ADGRV1: variants seen among roughly 807,000 people sequenced by gnomAD.
The protein encoded by ADGRV1 is G-protein coupled receptor 98.
In ADGRV1, 359 loss-of-function variants were observed where a neutral mutation model predicts 596.2. The ratio of observed to expected loss-of-function variants is 0.60; its 90% CI spans 0.55 to 0.66. The LOEUF (loss-of-function observed/expected upper bound fraction) is 0.66. ADGRV1 is among the 30% of genes least tolerant of loss of function. The pLI, the probability that ADGRV1 is intolerant of heterozygous loss-of-function variation, is 0.00. For missense variants in ADGRV1, 7,274 were observed against 7,575.6 expected, an observed-to-expected ratio of 0.96 and a Z score of 1.48; for synonymous variants, 2,681 against 2,679.2, an observed-to-expected ratio of 1.00 and a Z score of -0.02.
chr5:91,153,483 TACTATCAGTC>T (rs1796227308), intron 89 of ADGRV1, 85 bp downstream of exon 89: 1 of 961,404 alleles, frequency 1.0e-6, no homozygotes, highest in Non-Finnish European at 1.5e-6. Flanking sequence ...AGTTGCAAAG[TACTATCAGTC>T]ACCCTTAGCA....
intron 83 of ADGRV1, among the ~76,000 whole-genome samples, chr5:90,905,148 T>C (rs1054126651): frequency 3.3e-5 from 5 of 152,098 alleles, no homozygotes; most frequent in African/African-American, 1.2e-4. Context: ...AACTGTGTGG[T>C]ATAATTTCAA....
chr5:91,039,656 G>T (rs1208957795), intron 85 of ADGRV1, among the ~76,000 whole-genome samples: 1 of 152,198 alleles, frequency 6.6e-6, no homozygotes, highest in Admixed American at 6.5e-5. Context: ...AGTAAATTGG[G>T]AAAGAGCTGA....
At chr5:91,084,655 G>T (rs1789704379) in intron 86 of ADGRV1, among the ~76,000 whole-genome samples, 2 of 152,178 alleles carry the variant, frequency 1.3e-5, no homozygotes, top group Non-Finnish European at 2.9e-5. Context: ...TTCAACCATT[G>T]TGGAAGACAG....
At chr5:90,663,736 A>G (rs1770802138) in intron 21 of ADGRV1, among the ~76,000 whole-genome samples, 1 of 152,094 alleles carries the variant, frequency 6.6e-6, no homozygotes. Flanking sequence ...AAGGGTTTTT[A>G]TGGTTTTAGG....
chr5:90,832,578 T>C (rs2150335125), intron 77 of ADGRV1, among the ~76,000 whole-genome samples: 1 of 152,300 alleles, frequency 6.6e-6, no homozygotes, highest in Admixed American at 6.5e-5. Context: ...TGATTGTTTC[T>C]TTGGTTGTGC....
chr5:90,597,545 T>C (rs542627399), intron 1 of ADGRV1, among the ~76,000 whole-genome samples: 15 of 152,288 alleles, frequency 9.8e-5, no homozygotes, highest in African/African-American at 3.4e-4. Flanking sequence ...AGAGTTGCAC[T>C]GGGAGACTTT....
chr5:90,907,200 A>G (rs922200680), intron 83 of ADGRV1, among the ~76,000 whole-genome samples: 4 of 152,196 alleles, frequency 2.6e-5, no homozygotes, highest in African/African-American at 9.6e-5. Flanking sequence ...ATTCCCAAAT[A>G]TAGTTTGGAA....
chr5:91,081,001 T>C (rs1789315028), intron 86 of ADGRV1, among the ~76,000 whole-genome samples: 1 of 152,168 alleles, frequency 6.6e-6, no homozygotes, highest in Non-Finnish European at 1.5e-5. Context: ...TAGCTCAGGC[T>C]GCCATACAAA....
chr5:90,701,888 A>C (rs1011360508), intron 34 of ADGRV1, among the ~76,000 whole-genome samples: 2 of 151,774 alleles, frequency 1.3e-5, no homozygotes, highest in Non-Finnish European at 2.9e-5. Flanking sequence ...TCAACATGGA[A>C]ATTTTTTGAC....
intron 1 of ADGRV1, among the ~76,000 whole-genome samples, chr5:90,592,155 AC>A (rs1380787421): frequency 1.3e-5 from 2 of 152,266 alleles, no homozygotes; most frequent in African/African-American, 4.8e-5. Flanking sequence ...TGAAAAAGAT[AC>A]TTGCACATGC....
intron 89 of ADGRV1, among the ~76,000 whole-genome samples, chr5:91,160,363 A>G (rs1796841092): frequency 6.6e-6 from 1 of 152,098 alleles, no homozygotes. Flanking sequence ...AAGATTTTGA[A>G]TTTTTTCCTC....
chr5:90,611,600 G>C (rs1446092176), intron 1 of ADGRV1, among the ~76,000 whole-genome samples: 1 of 151,886 alleles, frequency 6.6e-6, no homozygotes, highest in Non-Finnish European at 1.5e-5. Context: ...TTCTTTCACA[G>C]TTGCAACAGA....
chr5:91,078,636 C>T lies in ADGRV1; in HGVS notation c.18310+6032C>T, dbSNP rs192991847. 3.3e-5 allele frequency among the ~76,000 whole-genome samples: 5 copies of T among 152,320 alleles called. No homozygotes were observed. The East Asian group carries it at 5.8e-4, about 18-fold the overall frequency. On this transcript the variant is annotated intron_variant, in intron 86 of 89. Coordinates refer to ENST00000405460, the MANE Select transcript of ADGRV1 (RefSeq NM_032119.4). ...AAGTTCAATTACCCAGAGACCACCA[C>T]GGTGGTAGAAACCCCACGCTGGCCA...
At position 90,999,528 on chromosome 5, in the gene ADGRV1, G is replaced by C. The variant is rs183328090; in HGVS notation, c.18152+14006G>C. 1.6e-4 allele frequency among the ~76,000 whole-genome samples: 25 copies of C among 152,056 alleles called. No homozygotes were observed. In the East Asian group the frequency reaches 4.5e-3, roughly 27 times the overall value. On this transcript the variant is annotated intron_variant, in intron 85 of 89. Transcript: ENST00000405460. ...GGCATTTGAAATATCAAGCGGAATA[G>C]AGCATTAGGAAATAGGTAATTGTAA...
intron 85 of ADGRV1, among the ~76,000 whole-genome samples, chr5:91,016,465 T>A (rs897757452): frequency 1.3e-5 from 2 of 152,126 alleles, no homozygotes; most frequent in Non-Finnish European, 2.9e-5. Flanking sequence ...TTCCTTAAGC[T>A]GATTATTGAT....
chr5:90,757,241 T>C (rs1000846793), intron 57 of ADGRV1, 80 bp downstream of exon 57: 4 of 1,059,848 alleles, frequency 3.8e-6, no homozygotes, highest in Admixed American at 2.0e-5. Flanking sequence ...GAATGTACAT[T>C]GGTGATTGCT....
In ADGRV1 at chr5:91,006,277, G is replaced by A. The variant is rs150086123; in HGVS notation, c.18152+20755G>A. 4.3e-3 allele frequency among the ~76,000 whole-genome samples: 648 copies of A among 152,226 alleles called. 4 individuals are homozygous for A. Among genetic ancestry groups the A allele is most frequent in the African/African-American group, 0.014 (597 of 41,534 alleles). ...CAGGGGCAGATGCAGGTTTCAAGGA[G>A]ACTGACATGTCTGTGATTTGGAAAG... On this transcript the variant is annotated intron_variant, in intron 85 of 89. Transcript: ENST00000405460.
In ADGRV1 at chr5:91,006,857, T is replaced by TAA. The variant is rs1022675283; in HGVS notation, c.18152+21336_18152+21337insAA. Among the ~76,000 whole-genome samples the TAA allele has an allele frequency of 3.3e-4, 50 of 152,322 alleles. 1 individual carries two copies. The Middle Eastern group carries it at 0.014, about 41-fold the overall frequency. On this transcript the variant is annotated intron_variant, in intron 85 of 89. Coordinates refer to ENST00000405460, the MANE Select transcript of ADGRV1 (RefSeq NM_032119.4). ...ATCTGGACCCAGTTGGACATTTTCA[T>TAA]ATCTTTGTATAACCTCTGACCCTGC...
chr5:90,894,705 T>C (rs956463214), intron 83 of ADGRV1, among the ~76,000 whole-genome samples: 1 of 152,108 alleles, frequency 6.6e-6, no homozygotes, highest in Non-Finnish European at 1.5e-5. Flanking sequence ...ACACAAGAAA[T>C]CGCAGAGTGC....
Sources: allele counts gnomAD v4.1 joint callset (sites outside exome capture counted in the v4.1 genomes callset), GRCh38; gene constraint gnomAD v4.1.1; transcripts MANE v1.5; gene names NCBI Gene and HGNC (gene_info 2026-07-23, HGNC 2026-07-21).